Variants in NUDCD1 observed in about 807,000 individuals in gnomAD.
NUDCD1 encodes NudC domain containing 1, also known as nudC domain-containing protein 1.
In NUDCD1, 60 loss-of-function variants were observed where a neutral mutation model predicts 67.8. The observed-to-expected ratio is 0.88, with a 90% CI of 0.72 to 1.10. The LOEUF (loss-of-function observed/expected upper bound fraction) is 1.10. Ranked by LOEUF, NUDCD1 falls within the 50% of genes least tolerant of loss-of-function variation. The pLI is 0.00. For missense variants in NUDCD1, 643 were observed against 695.0 expected, an observed-to-expected ratio of 0.93 and a Z score of 0.84; for synonymous variants, 244 against 230.8, an observed-to-expected ratio of 1.06 and a Z score of -0.52.
intron 5 of NUDCD1, among the ~76,000 whole-genome samples, chr8:109,287,628 G>A (rs1213048955): frequency 6.6e-6 from 1 of 152,116 alleles, no homozygotes; most frequent in African/African-American, 2.4e-5. Flanking sequence ...ACATACAATA[G>A]GGACTACTAG....
chr8:109,286,780 T>A (rs994959181), intron 5 of NUDCD1, among the ~76,000 whole-genome samples: 7 of 151,950 alleles, frequency 4.6e-5, no homozygotes, highest in African/African-American at 1.4e-4. Flanking sequence ...TGACAAATGG[T>A]ACCTAATTAA....
intron 5 of NUDCD1, among the ~76,000 whole-genome samples, chr8:109,283,706 A>G (rs1814508298): frequency 1.3e-5 from 2 of 152,130 alleles, no homozygotes; most frequent in South Asian, 4.1e-4. Flanking sequence ...GAGAAACAAA[A>G]TCTTTTCCAG....
At chr8:109,324,773 G>A (rs1341941197) in intron 1 of NUDCD1, among the ~76,000 whole-genome samples, 1 of 152,152 alleles carries the variant, frequency 6.6e-6, no homozygotes, top group African/African-American at 2.4e-5. Context: ...AGATGGAACT[G>A]GAGGTCATTA....
Position 109,280,002 on chromosome 8 carries a change from T to C in NUDCD1, c.1028+966A>G, listed in dbSNP as rs184479105. 2.9e-3 allele frequency among the ~76,000 whole-genome samples: 445 copies of C among 152,328 alleles called. 1 individual carries two copies. Among genetic ancestry groups the C allele is most frequent in the Non-Finnish European group, 4.7e-3 (320 of 68,030 alleles). On this transcript the variant is annotated intron_variant, in intron 6 of 9. Coordinates refer to ENST00000239690, the MANE Select transcript of NUDCD1 (RefSeq NM_032869.4). ...AAAAAACAAATGTAAATGGAGAATT[T>C]ACATAAGAAAAAATTACTACAATTT...
intron 2 of NUDCD1, among the ~76,000 whole-genome samples, chr8:109,299,756 T>C (rs1814936177): frequency 6.6e-6 from 1 of 152,192 alleles, no homozygotes; most frequent in Non-Finnish European, 1.5e-5. Context: ...CCACAGCTGA[T>C]GCTCTCTGGA....
intron 3 of NUDCD1, among the ~76,000 whole-genome samples, chr8:109,295,741 T>C (rs1814828340): frequency 6.6e-6 from 1 of 152,154 alleles, no homozygotes; most frequent in Admixed American, 6.6e-5. Flanking sequence ...CTTATTAGCA[T>C]AACTCAAAGG....
intron 1 of NUDCD1, chr8:109,329,742 T>G (rs144817887): frequency 0.013 from 18,446 of 1,424,002 alleles, 156 homozygotes; most frequent in Middle Eastern, 0.037. Flanking sequence ...AATTTGTAGT[T>G]TATTGTCAAT....
intron 8 of NUDCD1, among the ~76,000 whole-genome samples, chr8:109,259,166 C>T (rs916869371): frequency 6.6e-6 from 1 of 152,194 alleles, no homozygotes; most frequent in African/African-American, 2.4e-5. Flanking sequence ...GAAGATATAG[C>T]ATCTCTTTCC....
intron 7 of NUDCD1, among the ~76,000 whole-genome samples, chr8:109,271,985 T>C (rs1423430954): frequency 1.3e-5 from 2 of 151,924 alleles, no homozygotes; most frequent in Non-Finnish European, 2.9e-5. Context: ...AGAAATATTT[T>C]TGCAGAAAAA....
intron 4 of NUDCD1, among the ~76,000 whole-genome samples, chr8:109,290,393 A>G (rs1177558505): frequency 6.6e-6 from 1 of 152,024 alleles, no homozygotes; most frequent in Non-Finnish European, 1.5e-5. Flanking sequence ...CTTCTGTATG[A>G]CCTACCTCTC....
At chr8:109,287,309 T>A (rs1291291324) in intron 5 of NUDCD1, among the ~76,000 whole-genome samples, 2 of 152,050 alleles carry the variant, frequency 1.3e-5, no homozygotes, top group African/African-American at 4.8e-5. Flanking sequence ...AAATAAATAA[T>A]TTTTTTGCCA....
chr8:109,329,198 T>A (rs866622265), intron 1 of NUDCD1, among the ~76,000 whole-genome samples: 1 of 148,976 alleles, frequency 6.7e-6, no homozygotes, highest in East Asian at 2.0e-4. Context: ...CAGAAAAAAG[T>A]ATGAAGAAAA....
At position 109,241,967 on chromosome 8, in the gene NUDCD1, A is replaced by T. The variant is rs1428246390; in HGVS notation, c.*1042T>A. 3 of 396,982 alleles carry T rather than the reference A, an allele frequency of 7.6e-6. No homozygotes were observed. Among genetic ancestry groups the T allele is most frequent in the Non-Finnish European group, 1.3e-5 (3 of 224,914 alleles). The allele number at this position is 396,982 out of a possible 1,614,324, so 24.6% of individuals were successfully genotyped here. On this transcript the variant is annotated 3_prime_UTR_variant, in exon 10 of 10. Transcript: ENST00000239690. ...AACCTGGAAAGGTAAGTTTGAAAAA[A>T]CAAAATTTGTGGCAAGAAACTATAA...
chr8:109,248,650 T>C (rs1490373983), intron 8 of NUDCD1, among the ~76,000 whole-genome samples: 1 of 151,978 alleles, frequency 6.6e-6, no homozygotes, highest in African/African-American at 2.4e-5. Context: ...TCTGTGCCTT[T>C]TAGTTCTCAC....
At chr8:109,270,075 G>T (rs1216631432) in intron 8 of NUDCD1, among the ~76,000 whole-genome samples, 2 of 84,164 alleles carry the variant, frequency 2.4e-5, no homozygotes, top group African/African-American at 4.4e-5. Context: ...GGCGGGGGGG[G>T]GGGGGGGTGC....
intron 5 of NUDCD1, among the ~76,000 whole-genome samples, chr8:109,284,307 T>C (rs1185034178): frequency 6.6e-6 from 1 of 152,138 alleles, no homozygotes; most frequent in Non-Finnish European, 1.5e-5. Context: ...CTTCTAGACC[T>C]ATGGAAAGAC....
At chr8:109,329,822 T>G in intron 1 of NUDCD1, 2 of 1,551,004 alleles carry the variant, frequency 1.3e-6, no homozygotes, top group Non-Finnish European at 1.7e-6. Context: ...GCTCCAACCC[T>G]GGAGATAAAG....
intron 5 of NUDCD1, among the ~76,000 whole-genome samples, chr8:109,285,986 A>G (rs1035171099): frequency 6.6e-6 from 1 of 152,104 alleles, no homozygotes; most frequent in African/African-American, 2.4e-5. Context: ...AATCAGTAGC[A>G]TTTCTACAAA....
intron 1 of NUDCD1, among the ~76,000 whole-genome samples, chr8:109,328,426 A>G (rs930509762): frequency 2.0e-5 from 3 of 152,134 alleles, no homozygotes; most frequent in Non-Finnish European, 4.4e-5. Context: ...TAGCAGAGAA[A>G]AGAGAGATGC....
Sources: allele counts gnomAD v4.1 joint callset (sites outside exome capture counted in the v4.1 genomes callset), GRCh38; gene constraint gnomAD v4.1.1; transcripts MANE v1.5; gene names NCBI Gene and HGNC (gene_info 2026-07-23, HGNC 2026-07-21).